Variants in TEK observed in about 807,000 individuals in gnomAD.
TEK encodes angiopoietin-1 receptor.
TEK carries 43 observed loss-of-function variants against 131.8 expected under a neutral mutation model. That is an observed-to-expected ratio of 0.33 (90% CI 0.26 to 0.42). The LOEUF (loss-of-function observed/expected upper bound fraction) is 0.42, where lower values mean the gene tolerates loss of function less well. TEK is among the 10% of genes least tolerant of loss of function. The probability of loss-of-function intolerance (pLI) is 1.00; values close to 1 mark genes in which losing one functional copy is unlikely to be tolerated. For missense variants in TEK, 1,162 were observed against 1,384.4 expected (o/e 0.84, Z 2.55); for synonymous variants, 580 against 491.6 (o/e 1.18, Z -2.38).
chr9:27,124,882 G>C (rs1821931844), intron 1 of TEK, among the ~76,000 whole-genome samples: 1 of 152,202 alleles, frequency 6.6e-6, no homozygotes, highest in African/African-American at 2.4e-5. Context: ...TCCCACCAGA[G>C]TGGCTATAGG....
intron 4 of TEK, among the ~76,000 whole-genome samples, chr9:27,170,240 A>C (rs1013043659): frequency 5.9e-5 from 9 of 152,106 alleles, no homozygotes; most frequent in African/African-American, 2.2e-4. Context: ...TCCTCCCACA[A>C]CACGTGGGGA....
intron 19 of TEK, among the ~76,000 whole-genome samples, chr9:27,218,249 C>G (rs961616540): frequency 6.1e-5 from 3 of 48,912 alleles, no homozygotes; most frequent in African/African-American, 2.5e-4. Context: ...GAGGAAAAAC[C>G]AAGGCCCCGA....
chr9:27,124,716 A>G (rs1821922995), intron 1 of TEK, among the ~76,000 whole-genome samples: 1 of 152,216 alleles, frequency 6.6e-6, no homozygotes, highest in Non-Finnish European at 1.5e-5. Flanking sequence ...GATAGTACCT[A>G]CCTCATGGGT....
intron 20 of TEK, among the ~76,000 whole-genome samples, chr9:27,219,513 G>A (rs1825963938): frequency 6.6e-6 from 1 of 152,062 alleles, no homozygotes; most frequent in Non-Finnish European, 1.5e-5. Context: ...GGGAGGGAGA[G>A]CATTAGGACA....
chr9:27,131,490 A>T (rs907618597), intron 1 of TEK, among the ~76,000 whole-genome samples: 2 of 151,460 alleles, frequency 1.3e-5, no homozygotes, highest in African/African-American at 4.9e-5. Flanking sequence ...AAAAAAAAAA[A>T]AAAAAAGTTA....
At chr9:27,129,166 T>C (rs1226590599) in intron 1 of TEK, among the ~76,000 whole-genome samples, 1 of 152,202 alleles carries the variant, frequency 6.6e-6, no homozygotes, top group Non-Finnish European at 1.5e-5. Flanking sequence ...ACCTAGTTTA[T>C]TGAGAGTTTT....
In TEK at chr9:27,196,762, CTTTT is replaced by C. The variant is rs367911024; in HGVS notation, c.1625-533_1625-530del. 4.4e-3 allele frequency among the ~76,000 whole-genome samples: 441 copies of C among 99,286 alleles called. 6 individuals are homozygous for C. Among genetic ancestry groups the C allele is most frequent in the African/African-American group, 0.017 (418 of 25,320 alleles). The allele number at this position is 99,286 out of a possible 152,430, so 65.1% of individuals were successfully genotyped here. A position where few individuals can be genotyped will look rare whatever the true frequency, so the allele number is the denominator to read the frequency against. On this transcript the variant is annotated intron_variant, in intron 11 of 22. Coordinates refer to ENST00000380036, the MANE Select transcript of TEK (RefSeq NM_000459.5). ...GAGTGAGGGGGGGCGGTGCTATACA[CTTTT>C]TTTTTTTTTTTTTTTTTTTACTGTT...
intron 2 of TEK, among the ~76,000 whole-genome samples, chr9:27,166,834 T>C (rs12002056): frequency 0.011 from 1,608 of 152,342 alleles, 25 homozygotes; most frequent in African/African-American, 0.036. Flanking sequence ...TCTTTTAACA[T>C]ACATTTGGCA....
chr9:27,156,938 A>G (rs983045371), intron 1 of TEK, among the ~76,000 whole-genome samples: 7 of 151,926 alleles, frequency 4.6e-5, no homozygotes, highest in African/African-American at 9.7e-5. Flanking sequence ...GAGAATAGAC[A>G]CAGACTCTAT....
chr9:27,122,745 C>CA (rs1290312727), intron 1 of TEK, among the ~76,000 whole-genome samples: 1 of 151,776 alleles, frequency 6.6e-6, no homozygotes, highest in East Asian at 1.9e-4. Context: ...GGAGGAGCTT[C>CA]AACTATATCA....
At chr9:27,226,974 CA>C (rs1456409589) in intron 21 of TEK, among the ~76,000 whole-genome samples, 4 of 149,646 alleles carry the variant, frequency 2.7e-5, no homozygotes, top group Non-Finnish European at 3.0e-5. Flanking sequence ...GAGCAAGAAG[CA>C]TACATACCAT....
intron 1 of TEK, among the ~76,000 whole-genome samples, chr9:27,151,531 C>A (rs1343881151): frequency 6.6e-6 from 1 of 152,126 alleles, no homozygotes; most frequent in Non-Finnish European, 1.5e-5. Context: ...GCCTGGCTAA[C>A]CCCAACTTTC....
intron 1 of TEK, among the ~76,000 whole-genome samples, chr9:27,123,357 C>A (rs375938731): frequency 6.6e-6 from 1 of 152,052 alleles, no homozygotes; most frequent in African/African-American, 2.4e-5. Context: ...AAAGGATATG[C>A]GGGGGTGTAA....
At chr9:27,118,176 T>C (rs1369416634) in intron 1 of TEK, among the ~76,000 whole-genome samples, 1 of 152,050 alleles carries the variant, frequency 6.6e-6, no homozygotes, top group African/African-American at 2.4e-5. Flanking sequence ...ACAATAAGAG[T>C]ACCAGTAATA....
chr9:27,222,095 A>C (rs1826107776), intron 21 of TEK, among the ~76,000 whole-genome samples: 1 of 152,240 alleles, frequency 6.6e-6, no homozygotes, highest in Non-Finnish European at 1.5e-5. Flanking sequence ...AGAAGCATAC[A>C]CAAGTATCAA....
At chr9:27,120,244 CTT>C (rs1210317502) in intron 1 of TEK, among the ~76,000 whole-genome samples, 5 of 152,352 alleles carry the variant, frequency 3.3e-5, no homozygotes, top group African/African-American at 9.6e-5. Context: ...ATACCAGACT[CTT>C]TGCAGTTTCC....
intron 16 of TEK, among the ~76,000 whole-genome samples, chr9:27,211,914 A>C (rs1825647355): frequency 6.6e-6 from 1 of 152,148 alleles, no homozygotes; most frequent in Non-Finnish European, 1.5e-5. Flanking sequence ...CCTTTAAAAA[A>C]ATTTTCGCAA....
At chr9:27,119,950 C>T (rs1371855673) in intron 1 of TEK, among the ~76,000 whole-genome samples, 1 of 152,092 alleles carries the variant, frequency 6.6e-6, no homozygotes, top group Non-Finnish European at 1.5e-5. Context: ...ATAGCTCTCC[C>T]CCCATTTCAG....
intron 21 of TEK, among the ~76,000 whole-genome samples, chr9:27,226,405 G>T (rs1449864938): frequency 6.6e-6 from 1 of 152,176 alleles, no homozygotes; most frequent in African/African-American, 2.4e-5. Flanking sequence ...GCAGCCATAA[G>T]AAAGGATGAG....
Sources: gnomAD v4.1 joint callset for allele counts (sites outside exome capture counted in the v4.1 genomes callset) on GRCh38, gnomAD v4.1.1 for gene constraint, MANE v1.5 for transcripts, NCBI Gene and HGNC (gene_info 2026-07-23, HGNC 2026-07-21) for gene names.